The following PPP1R1C variants were observed in gnomAD, a reference collection of about 807,000 sequenced individuals.
PPP1R1C encodes protein phosphatase 1 regulatory subunit 1C.
In PPP1R1C, 15 loss-of-function variants were observed where a neutral mutation model predicts 17.4. The observed-to-expected ratio is 0.86, with a 90% CI of 0.58 to 1.33. The LOEUF (loss-of-function observed/expected upper bound fraction) is 1.33. PPP1R1C is among the 40% of genes most tolerant of loss of function. The pLI is 0.00. For synonymous variants in PPP1R1C, 35 were observed against 43.1 expected (o/e 0.81, Z 0.73); for missense variants, 143 against 130.0 (o/e 1.10, Z -0.48).
chr2:181,969,737 C>A (rs944191907), intron 1 of PPP1R1C, among the ~76,000 whole-genome samples: 3 of 152,168 alleles, frequency 2.0e-5, no homozygotes, highest in Non-Finnish European at 4.4e-5. Flanking sequence ...GCCAAAAACT[C>A]TTAGATTTAC....
intron 1 of PPP1R1C, among the ~76,000 whole-genome samples, chr2:181,971,855 G>T (rs146414123): frequency 6.6e-6 from 1 of 152,172 alleles, no homozygotes; most frequent in African/African-American, 2.4e-5. Flanking sequence ...GCAACACTGA[G>T]TTCCAATGCA....
At chr2:182,093,219 C>A (rs1039991146) in intron 4 of PPP1R1C, among the ~76,000 whole-genome samples, 7 of 152,162 alleles carry the variant, frequency 4.6e-5, no homozygotes, top group Admixed American at 2.6e-4. Context: ...TTGGGGCTTC[C>A]ACCCTCTGAA....
At chr2:181,995,537 A>G (rs1455518039) in intron 2 of PPP1R1C, among the ~76,000 whole-genome samples, 3 of 152,244 alleles carry the variant, frequency 2.0e-5, no homozygotes, top group African/African-American at 7.2e-5. Flanking sequence ...AGGTGTCTGC[A>G]TAGTAATAGA....
chr2:181,960,347 A>G (rs1684748826), intron 1 of PPP1R1C, among the ~76,000 whole-genome samples: 1 of 152,326 alleles, frequency 6.6e-6, no homozygotes, highest in East Asian at 1.9e-4. Context: ...ATGAGCACAA[A>G]CCATATGGCT....
chr2:182,126,821 G>C (rs79303194), intron 5 of PPP1R1C, among the ~76,000 whole-genome samples: 4,235 of 152,068 alleles, frequency 0.028, 186 homozygotes, highest in African/African-American at 0.097. Flanking sequence ...TGTATAGAGG[G>C]AAGATGAACA....
Position 182,076,197 on chromosome 2 carries a change from C to CTTTTTTTT in PPP1R1C, c.241+12440_241+12447dup, listed in dbSNP as rs1165789924. Reference sequence around the variant, plus strand: ...GATTTTGAACTTTTTTTTTTCTTTTCTTTTTTTTTTTTTTTTTTTTTTTTT... The same window carrying CTTTTTTTT: ...GATTTTGAACTTTTTTTTTTCTTTTCTTTTTTTTTTTTTTTTTTTTTTTTTTTTTTTTT... On this transcript the variant is annotated intron_variant, in intron 4 of 4. Transcript: ENST00000682840. 1.5e-3 allele frequency among the ~76,000 whole-genome samples: 39 copies of CTTTTTTTT among 25,858 alleles called. 6 individuals are homozygous for CTTTTTTTT. The highest frequency in any genetic ancestry group is 3.0e-3 in the African/African-American group (14 of 4,686). The allele number at this position is 25,858 out of a possible 152,430, so 17.0% of individuals were successfully genotyped here. A position where few individuals can be genotyped will look rare whatever the true frequency, so the allele number is the denominator to read the frequency against.
Position 182,117,207 on chromosome 2 carries a change from G to C in PPP1R1C, c.242G>C (p.Gly81Ala), listed in dbSNP as rs367993879. Residue 81 changes from glycine to alanine, a missense_variant and splice_region_variant, in exon 5 of 5, where the codon GGG becomes GCG. Gly to Ala is a moderately conservative substitution (Grantham distance 60). Transcript: ENST00000682840. ...TTTTGCATAATTTTTATAATTTCAGGGGTTAAGCATCTGAAAGGCCAGAAT... is the reference window on the plus strand; with the variant it reads ...TTTTGCATAATTTTTATAATTTCAGCGGTTAAGCATCTGAAAGGCCAGAAT... The part of the protein sequence containing the change: ...QSVYTPPTIK[G>A]VKHLKGQNES... The C allele has an allele frequency of 4.2e-5, 65 of 1,534,318 alleles. No homozygotes were observed. The highest frequency in any genetic ancestry group is 5.6e-5 in the Non-Finnish European group (64 of 1,135,740).
At chr2:182,025,078 C>CA (rs1201588890) in intron 2 of PPP1R1C, among the ~76,000 whole-genome samples, 11 of 148,346 alleles carry the variant, frequency 7.4e-5, no homozygotes, top group African/African-American at 2.7e-4. Context: ...TAAATTTGTG[C>CA]AAAAAATAAA....
At chr2:182,090,790 A>G (rs1688758854) in intron 4 of PPP1R1C, among the ~76,000 whole-genome samples, 1 of 152,224 alleles carries the variant, frequency 6.6e-6, no homozygotes, top group Non-Finnish European at 1.5e-5. Flanking sequence ...AAAAACTTTT[A>G]AAAAGCCTTT....
intron 2 of PPP1R1C, among the ~76,000 whole-genome samples, chr2:182,047,222 G>T (rs1687374495): frequency 6.6e-6 from 1 of 152,042 alleles, no homozygotes; most frequent in African/African-American, 2.4e-5. Flanking sequence ...ATACTTTTGT[G>T]ATATCTTATG....
intron 2 of PPP1R1C, among the ~76,000 whole-genome samples, chr2:182,004,691 T>G (rs1199800261): frequency 6.6e-6 from 1 of 152,150 alleles, no homozygotes; most frequent in Non-Finnish European, 1.5e-5. Flanking sequence ...GAGTTAGGAT[T>G]AGGAACCACG....
rs1165789924 is a variant in PPP1R1C at position 182,076,197 on chromosome 2, C to CTTTTTTTTTTTT, written c.241+12436_241+12447dup. Among the ~76,000 whole-genome samples the CTTTTTTTTTTTT allele has an allele frequency of 3.4e-3, 89 of 25,856 alleles. 25 individuals carry two copies. The highest frequency in any genetic ancestry group is 4.4e-3 in the East Asian group (3 of 676). 17.0% of individuals were successfully genotyped at this position (25,856 alleles called of 152,430 possible). A position where few individuals can be genotyped will look rare whatever the true frequency, so the allele number is the denominator to read the frequency against. On this transcript the variant is annotated intron_variant, in intron 4 of 4. Coordinates refer to ENST00000682840, the MANE Select transcript of PPP1R1C (RefSeq NM_001080545.3). ...GATTTTGAACTTTTTTTTTTCTTTT[C>CTTTTTTTTTTTT]TTTTTTTTTTTTTTTTTTTTTTTTT...
chr2:182,015,941 C>T (rs1469427593), intron 2 of PPP1R1C, among the ~76,000 whole-genome samples: 1 of 152,176 alleles, frequency 6.6e-6, no homozygotes, highest in East Asian at 1.9e-4. Context: ...AGGTCATTTG[C>T]ACCCCATGTG....
chr2:182,057,303 A>G (rs1158199765), intron 2 of PPP1R1C, among the ~76,000 whole-genome samples: 6 of 152,184 alleles, frequency 3.9e-5, no homozygotes, highest in Non-Finnish European at 8.8e-5. Flanking sequence ...ACAGGAGTAA[A>G]GGAAGTGCTG....
chr2:182,021,335 T>TG (rs1686420523), intron 2 of PPP1R1C, among the ~76,000 whole-genome samples: 1 of 144,982 alleles, frequency 6.9e-6, no homozygotes, highest in Non-Finnish European at 1.5e-5. Flanking sequence ...TTTTTTTTTT[T>TG]TTTTTTTTTT....
intron 4 of PPP1R1C, among the ~76,000 whole-genome samples, chr2:182,097,780 T>C (rs1688985896): frequency 6.6e-6 from 1 of 152,190 alleles, no homozygotes; most frequent in Non-Finnish European, 1.5e-5. Flanking sequence ...CTCCACTTCT[T>C]CTCTTCCTGC....
At chr2:181,969,330 T>C (rs2125133160) in intron 1 of PPP1R1C, among the ~76,000 whole-genome samples, 1 of 152,326 alleles carries the variant, frequency 6.6e-6, no homozygotes, top group East Asian at 1.9e-4. Context: ...AAGTATTTAT[T>C]TCTCCTTCAT....
intron 4 of PPP1R1C, among the ~76,000 whole-genome samples, chr2:182,091,990 T>A (rs1688795086): frequency 6.6e-6 from 1 of 152,150 alleles, no homozygotes; most frequent in African/African-American, 2.4e-5. Flanking sequence ...AATAAAAATA[T>A]GTTGGATTGT....
At chr2:182,050,086 A>G (rs1415340225) in intron 2 of PPP1R1C, among the ~76,000 whole-genome samples, 1 of 152,126 alleles carries the variant, frequency 6.6e-6, no homozygotes, top group Non-Finnish European at 1.5e-5. Flanking sequence ...GTCTTTTATA[A>G]TTTATCCTAT....
Sources: allele counts gnomAD v4.1 joint callset (sites outside exome capture counted in the v4.1 genomes callset), GRCh38; gene constraint gnomAD v4.1.1; transcripts MANE v1.5; gene names NCBI Gene and HGNC (gene_info 2026-07-23, HGNC 2026-07-21).